The following NT5DC3 variants were observed in gnomAD, a reference collection of about 807,000 sequenced individuals.
NT5DC3 encodes 5'-nucleotidase domain-containing protein 3.
In NT5DC3, 42 loss-of-function variants were observed where a neutral mutation model predicts 67.8. That is an observed-to-expected ratio of 0.62 (90% CI 0.48 to 0.80). The LOEUF (loss-of-function observed/expected upper bound fraction) is 0.80, where lower values mean the gene tolerates loss of function less well. NT5DC3 is among the 30% of genes least tolerant of loss of function. The pLI, the probability that NT5DC3 is intolerant of heterozygous loss-of-function variation, is 0.00. For synonymous variants in NT5DC3, 237 were observed against 255.6 expected, an observed-to-expected ratio of 0.93 and a Z score of 0.69; for missense variants, 570 against 696.4, an observed-to-expected ratio of 0.82 and a Z score of 2.04.
chr12:103,822,172 C>T (rs116601788), intron 1 of NT5DC3: 1 of 149,792 alleles, frequency 6.7e-6, no homozygotes, highest in African/African-American at 2.4e-5. Context: ...TAAAACATAA[C>T]TTTCCAAATG....
At chr12:103,757,710 G>A in the NT5DC3 span, among the ~76,000 whole-genome samples, 1 of 152,222 alleles carries the variant, frequency 6.6e-6, no homozygotes, top group Non-Finnish European at 1.5e-5. Context: ...GAGCGTGCCA[G>A]GCAAGTCTGA....
chr12:103,747,482 A>C, the NT5DC3 span, among the ~76,000 whole-genome samples: 5 of 152,266 alleles, frequency 3.3e-5, no homozygotes, highest in African/African-American at 1.2e-4. Context: ...GAGGTGGCCA[A>C]TACCATAAGC....
chr12:103,786,681 A>ATTTTT (rs3036176), intron 11 of NT5DC3, among the ~76,000 whole-genome samples: 28,154 of 130,914 alleles, frequency 0.22, 3,975 homozygotes, highest in East Asian at 0.59. Context: ...CACTGGTTTG[A>ATTTTT]TTTTTTTTTT....
intron 5 of NT5DC3, among the ~76,000 whole-genome samples, 189 bp from the exon 6 acceptor site, chr12:103,797,220 A>AAG (rs1485746729): frequency 6.6e-6 from 1 of 152,228 alleles, no homozygotes; most frequent in African/African-American, 2.4e-5. Context: ...CTGTAATCCC[A>AAG]GCACTTTGGG....
chr12:103,750,817 C>T, the NT5DC3 span: 1 of 1,442,266 alleles, frequency 6.9e-7, no homozygotes, highest in Non-Finnish European at 9.2e-7. Flanking sequence ...CAGGCCAAGC[C>T]TGGTGGCTCA....
chr12:103,822,486 T>C (rs367941094), intron 1 of NT5DC3, among the ~76,000 whole-genome samples: 52 of 152,372 alleles, frequency 3.4e-4, no homozygotes, highest in African/African-American at 1.1e-3. Flanking sequence ...ACAGGTGGAA[T>C]TGCAAATGTC....
chr12:103,769,628 T>G (rs1482793870), downstream of NT5DC3, among the ~76,000 whole-genome samples: 2 of 152,204 alleles, frequency 1.3e-5, no homozygotes, highest in Non-Finnish European at 2.9e-5. Flanking sequence ...GCCCAGCTGG[T>G]GGACCCAGGA....
At chr12:103,801,833 G>A (rs986927720) in intron 4 of NT5DC3, among the ~76,000 whole-genome samples, 3 of 152,184 alleles carry the variant, frequency 2.0e-5, no homozygotes, top group Admixed American at 1.3e-4. Context: ...ACTAAACCCC[G>A]TGATGTGAGG....
the NT5DC3 span, among the ~76,000 whole-genome samples, chr12:103,750,385 G>C: frequency 6.6e-6 from 1 of 152,224 alleles, no homozygotes; most frequent in Non-Finnish European, 1.5e-5. Context: ...TTTGAACTGA[G>C]ATGTAAAGGA....
intron 2 of NT5DC3, among the ~76,000 whole-genome samples, chr12:103,808,418 CA>C (rs1167121265): frequency 6.6e-6 from 1 of 152,216 alleles, no homozygotes; most frequent in Non-Finnish European, 1.5e-5. Context: ...AGTTAAAACC[CA>C]GACAACTATT....
chr12:103,788,158 C>G lies in NT5DC3; in HGVS notation c.1102-631G>C, dbSNP rs960559047. 9.2e-5 allele frequency among the ~76,000 whole-genome samples: 14 copies of G among 152,276 alleles called. 1 individual carries two copies. The highest frequency in any genetic ancestry group is 2.0e-4 in the Admixed American group (3 of 15,280). On this transcript the variant is annotated intron_variant, in intron 10 of 13. Transcript: ENST00000392876. ...CACCAAAATATATTAGAACTGTGCA[C>G]AGGCTAGGTGTGATGGTTATGCCTG...
Position 103,777,775 on chromosome 12 carries a change from C to G in NT5DC3, c.*54G>C. On this transcript the variant is annotated 3_prime_UTR_variant, in exon 14 of 14. Coordinates refer to ENST00000392876, the MANE Select transcript of NT5DC3 (RefSeq NM_001031701.3). ...ACACTCAGACCCACATGAAGTCAACCCCATCATGCCTGCCCAATCAGGGGC... is the reference window on the plus strand; with the variant it reads ...ACACTCAGACCCACATGAAGTCAACGCCATCATGCCTGCCCAATCAGGGGC... The G allele has an allele frequency of 1.9e-6, 3 of 1,547,206 alleles. No individual in the cohort carries two copies. Among genetic ancestry groups the G allele is most frequent in the Non-Finnish European group, 2.6e-6 (3 of 1,148,880 alleles).
chr12:103,792,395 C>A (rs920904852), intron 9 of NT5DC3, among the ~76,000 whole-genome samples: 1 of 152,186 alleles, frequency 6.6e-6, no homozygotes, highest in Admixed American at 6.5e-5. Context: ...CAGAGAGGAA[C>A]AGACTACCTG....
At chr12:103,758,370 A>T in the NT5DC3 span, 1 of 1,587,860 alleles carries the variant, frequency 6.3e-7, no homozygotes, top group Non-Finnish European at 8.5e-7. Context: ...AAATTACCTG[A>T]AAACTCAGTG....
chr12:103,840,377 G>GTTCATCTCAT (rs1422008257), intron 1 of NT5DC3, among the ~76,000 whole-genome samples: 1 of 115,308 alleles, frequency 8.7e-6, no homozygotes, highest in South Asian at 3.4e-4. Flanking sequence ...ACACCGCACA[G>GTTCATCTCAT]CTCATCTCAT....
chr12:103,830,877 T>C (rs1887896973), intron 1 of NT5DC3, among the ~76,000 whole-genome samples: 1 of 152,234 alleles, frequency 6.6e-6, no homozygotes, highest in Non-Finnish European at 1.5e-5. Context: ...TTCATATTAA[T>C]TGTGCTGTCT....
chr12:103,799,702 G>A (rs966294869), intron 4 of NT5DC3, among the ~76,000 whole-genome samples: 1 of 151,200 alleles, frequency 6.6e-6, no homozygotes, highest in African/African-American at 2.4e-5. Context: ...CCACCTTGGA[G>A]AGGAAATGAC....
intron 4 of NT5DC3, among the ~76,000 whole-genome samples, chr12:103,803,365 G>A (rs77013044): frequency 0.095 from 14,440 of 152,158 alleles, 957 homozygotes; most frequent in East Asian, 0.29. Flanking sequence ...TAAAATGAAT[G>A]AACAACATTC....
At chr12:103,833,873 A>T (rs2139480464) in intron 1 of NT5DC3, among the ~76,000 whole-genome samples, 1 of 152,346 alleles carries the variant, frequency 6.6e-6, no homozygotes, top group South Asian at 2.1e-4. Flanking sequence ...AAGAAGACAC[A>T]CGCAACATTA....
Sources: gnomAD v4.1 joint callset for allele counts (sites outside exome capture counted in the v4.1 genomes callset) on GRCh38, gnomAD v4.1.1 for gene constraint, MANE v1.5 for transcripts, NCBI Gene and HGNC (gene_info 2026-07-23, HGNC 2026-07-21) for gene names.